The following C5orf15 variants were observed in gnomAD, a reference collection of about 807,000 sequenced individuals.
C5orf15 encodes keratinocyte-associated transmembrane protein 2.
A neutral mutation model predicts 17.8 loss-of-function variants in C5orf15; 10 were observed. The ratio of observed to expected loss-of-function variants is 0.56; its 90% CI spans 0.35 to 0.95. The LOEUF is 0.95. Among genes scored for constraint, C5orf15 ranks in the 40% least tolerant of loss-of-function variants. The probability of loss-of-function intolerance (pLI) is 0.02; values close to 1 mark genes in which losing one functional copy is unlikely to be tolerated. For synonymous variants in C5orf15, 124 were observed against 131.0 expected (o/e 0.95, Z 0.36); for missense variants, 319 against 331.7 (o/e 0.96, Z 0.30).
chr5:133,957,033 G>A (rs2126875713), intron 2 of C5orf15, 43 bp from the exon 3 acceptor site: 1 of 1,469,430 alleles, frequency 6.8e-7, no homozygotes. Flanking sequence ...AGAAAACAGA[G>A]AATATGGTAA....
rs1561576389 is a variant in C5orf15 at position 133,968,467 on chromosome 5, CA to C, written c.117del (p.Val40CysfsTer29). 5.6e-6 allele frequency: 9 copies of C among 1,604,394 alleles called. No homozygotes were observed. Among genetic ancestry groups the C allele is most frequent in the Non-Finnish European group, 7.7e-6 (9 of 1,176,010 alleles). The stretch of plus-strand genomic sequence containing the variant: ...TTACCACTGGATAGAGCGGCGGACA[CA>C]AGCAGGAGCGCCAAGACCAGCGGCC... ...LARPLVLALL[L>X]VSAALSSVVS... On this transcript the variant is annotated frameshift_variant, in exon 1 of 3. Transcript: ENST00000231512. LOFTEE classifies it high-confidence loss of function.
At chr5:133,962,982 C>A (rs1276757345) in intron 1 of C5orf15, among the ~76,000 whole-genome samples, 1 of 152,136 alleles carries the variant, frequency 6.6e-6, no homozygotes, top group Non-Finnish European at 1.5e-5. Flanking sequence ...CTTGGTGAGA[C>A]TACACTCATC....
At position 133,956,921 on chromosome 5, in the gene C5orf15, G is replaced by A; in HGVS notation, c.736C>T (p.Leu246=). The change falls in exon 3 of 3, where the codon CTA becomes TTA. Residue 246 remains leucine (L), a synonymous_variant. Transcript: ENST00000231512. Reference sequence around the variant, plus strand: ...ATTGCCTCATTAACATTCTGATCTAGGCGATGGTATTCCACTGTTTTGGAA... The same window carrying A: ...ATTGCCTCATTAACATTCTGATCTAAGCGATGGTATTCCACTGTTTTGGAA... ...LCSKTVEYHR[L]DQNVNEAMPS... 6.2e-7 allele frequency: 1 copy of A among 1,610,884 alleles called. No individual in the cohort carries two copies. The highest frequency in any genetic ancestry group is 8.5e-7 in the Non-Finnish European group (1 of 1,179,332).
intron 1 of C5orf15, among the ~76,000 whole-genome samples, chr5:133,962,400 G>A (rs958003294): frequency 6.6e-6 from 1 of 152,096 alleles, no homozygotes; most frequent in African/African-American, 2.4e-5. Flanking sequence ...TTGAACCACT[G>A]AATCTCAAGG....
chr5:133,964,465 T>C lies in C5orf15; in HGVS notation c.139+3981A>G, dbSNP rs558470294. Among the ~76,000 whole-genome samples the C allele has an allele frequency of 1.8e-4, 27 of 152,286 alleles. 3 individuals are homozygous for C. The South Asian group carries it at 5.4e-3, about 30-fold the overall frequency. On this transcript the variant is annotated intron_variant, in intron 1 of 2. Coordinates refer to ENST00000231512, the MANE Select transcript of C5orf15 (RefSeq NM_020199.3). ...ATAAGGGCAATATGAGATATCCTTG[T>C]GGTGATGGTAATGCCCCGTATTTTG...
At chr5:133,959,120 C>G (rs1752081079) in intron 2 of C5orf15, among the ~76,000 whole-genome samples, 1 of 152,090 alleles carries the variant, frequency 6.6e-6, no homozygotes, top group South Asian at 2.1e-4. Context: ...AATCCCAACA[C>G]TTTGGGAGGC....
rs1752037922 is a variant in C5orf15, at chr5:133,955,996, G to A, written c.*863C>T. 1 of 152,216 alleles carries A rather than the reference G, an allele frequency of 6.6e-6. No homozygotes were observed. The highest frequency in any genetic ancestry group is 2.1e-4 in the South Asian group (1 of 4,814). The allele number at this position is 152,216 out of a possible 1,614,324, so 9.4% of individuals were successfully genotyped here. Reference sequence around the variant, plus strand: ...TATAATTTTAATTTGAAAGACCTAGGTACAGTATTATTTAAGTGATAATGA... The same window carrying A: ...TATAATTTTAATTTGAAAGACCTAGATACAGTATTATTTAAGTGATAATGA... On this transcript the variant is annotated 3_prime_UTR_variant, in exon 3 of 3. Transcript: ENST00000231512.
chr5:133,967,162 A>G (rs891480316), intron 1 of C5orf15, among the ~76,000 whole-genome samples: 1 of 152,262 alleles, frequency 6.6e-6, no homozygotes, highest in Admixed American at 6.5e-5. Flanking sequence ...TAAGTACTTT[A>G]GGAACGGGAA....
At chr5:133,961,331 G>A (rs1752120864) in intron 1 of C5orf15, among the ~76,000 whole-genome samples, 1 of 150,270 alleles carries the variant, frequency 6.7e-6, no homozygotes, top group Non-Finnish European at 1.5e-5. Context: ...TGAACATGAG[G>A]TCAGGAGCTC....
intron 1 of C5orf15, among the ~76,000 whole-genome samples, chr5:133,968,004 C>T (rs905820973): frequency 4.6e-5 from 7 of 152,092 alleles, no homozygotes; most frequent in African/African-American, 7.2e-5. Context: ...AACTCAGGAC[C>T]CTTTCCAGAC....
chr5:133,960,096 T>G (rs1235608118), intron 1 of C5orf15, 76 bp from the exon 2 acceptor site: 7 of 1,292,648 alleles, frequency 5.4e-6, no homozygotes, highest in Non-Finnish European at 7.5e-6. Flanking sequence ...TTACCCAAAT[T>G]TTACACTAAG....
chr5:133,962,998 T>C (rs1752144827), intron 1 of C5orf15, among the ~76,000 whole-genome samples: 1 of 152,196 alleles, frequency 6.6e-6, no homozygotes, highest in Admixed American at 6.5e-5. Flanking sequence ...TCATCCCTAG[T>C]TATTAATAAA....
rs1752038604 is a variant in C5orf15 at position 133,956,042 on chromosome 5, T to C, written c.*817A>G. ...AATGACCCCTAAGATTTATTCAAAT[T>C]TACTGTAAAATAATAAACGAAGTAA... On this transcript the variant is annotated 3_prime_UTR_variant, in exon 3 of 3. Transcript: ENST00000231512. 1 of 152,576 alleles carries C rather than the reference T, an allele frequency of 6.6e-6. No individual in the cohort carries two copies. Among genetic ancestry groups the C allele is most frequent in the Non-Finnish European group, 1.5e-5 (1 of 68,042 alleles). The allele number at this position is 152,576 out of a possible 1,614,324, so 9.5% of individuals were successfully genotyped here. A position where few individuals can be genotyped will look rare whatever the true frequency, so the allele number is the denominator to read the frequency against.
Position 133,968,578 on chromosome 5 carries a change from C to G in C5orf15, c.7G>C (p.Ala3Pro), listed in dbSNP as rs1214267178. ...CCCCTCATCCTCTTCGGGACGGCAG[C>G]GGCCATAACGGACTCGGCTGGGAGC... MA[A>P]AVPKRMRGPA... Residue 3 changes from alanine (A) to proline (P), a missense_variant, in exon 1 of 3, where the codon GCT becomes CCT. Ala to Pro is a conservative substitution (Grantham distance 27, BLOSUM62 -1). Around this residue, in one of 3 missense-constraint regions of C5orf15, gnomAD observed 127 missense variants for 95.6 expected, o/e 1.33. Transcript: ENST00000231512. The G allele has an allele frequency of 8.1e-6, 13 of 1,609,040 alleles. No individual in the cohort carries two copies. Among genetic ancestry groups the G allele is most frequent in the Non-Finnish European group, 1.1e-5 (13 of 1,178,158 alleles).
intron 1 of C5orf15, among the ~76,000 whole-genome samples, chr5:133,961,231 G>GT (rs1561574843): frequency 2.7e-5 from 1 of 37,004 alleles, no homozygotes. Flanking sequence ...TAGTCAGTTA[G>GT]TAAAAAAAAA....
In C5orf15 at chr5:133,965,595, T is replaced by C. The variant is rs372697709; in HGVS notation, c.139+2851A>G. Among the ~76,000 whole-genome samples the C allele has an allele frequency of 3.3e-5, 5 of 152,332 alleles. No homozygotes were observed. The East Asian group carries it at 7.7e-4, about 23-fold the overall frequency. On this transcript the variant is annotated intron_variant, in intron 1 of 2. Transcript: ENST00000231512. ...GACTTCTAAATCTTCCCTTTCCTAATTGATATTACCTCTCTACTTGAAGCT... is the reference window on the plus strand; with the variant it reads ...GACTTCTAAATCTTCCCTTTCCTAACTGATATTACCTCTCTACTTGAAGCT...
intron 1 of C5orf15, among the ~76,000 whole-genome samples, chr5:133,966,786 T>C (rs1417221633): frequency 2.0e-5 from 3 of 152,260 alleles, no homozygotes; most frequent in African/African-American, 7.2e-5. Context: ...GCTGCTCGCC[T>C]ATTAAAGACA....
Position 133,959,699 on chromosome 5 carries a change from T to C in C5orf15, c.461A>G (p.Asp154Gly). ...GTCGTCCCTGGGGCCCGTGGTCCAG[T>C]CATAGTCTGGTTCTCCATAATCGCC... ...DNGDYGEPDYDWTTGPRDDDE... is the reference protein window; with the variant it reads ...DNGDYGEPDYGWTTGPRDDDE... The change falls in exon 2 of 3, where the codon GAC becomes GGC. Residue 154 changes from aspartate (D) to glycine (G), a missense_variant. Around this residue, in one of 3 missense-constraint regions of C5orf15, gnomAD observed 175 missense variants for 192.4 expected, o/e 0.91. Transcript: ENST00000231512. 2 of 1,613,604 alleles carry C rather than the reference T, an allele frequency of 1.2e-6. No homozygotes were observed. Among genetic ancestry groups the C allele is most frequent in the Admixed American group, 1.7e-5 (1 of 59,946 alleles).
chr5:133,967,718 C>T lies in C5orf15; in HGVS notation c.139+728G>A, dbSNP rs573565457. 5.9e-5 allele frequency among the ~76,000 whole-genome samples: 9 copies of T among 152,326 alleles called. No individual in the cohort carries two copies. In the South Asian group the frequency reaches 1.9e-3, roughly 32 times the overall value. ...ACAGGGAAGAGGAATCATGATCTCC[C>T]TTGTCTCCAAACTCCTCTCTGCCTC... On this transcript the variant is annotated intron_variant, in intron 1 of 2. Transcript: ENST00000231512.
Sources: allele counts gnomAD v4.1 joint callset (sites outside exome capture counted in the v4.1 genomes callset), GRCh38; gene constraint gnomAD v4.1.1; regional missense constraint gnomAD v4.1.1; transcripts MANE v1.5; gene names NCBI Gene and HGNC (gene_info 2026-07-23, HGNC 2026-07-21).